The following CCDC7 variants were observed in gnomAD, a reference collection of about 807,000 sequenced individuals.
CCDC7 encodes the protein coiled-coil domain-containing protein 7.
Under a neutral mutation model 196.9 loss-of-function variants are expected in CCDC7, and 183 were observed. The ratio of observed to expected loss-of-function variants is 0.93; its 90% CI spans 0.82 to 1.05. The LOEUF (loss-of-function observed/expected upper bound fraction) is 1.05, where lower values mean the gene tolerates loss of function less well. Among genes scored for constraint, CCDC7 ranks in the 50% least tolerant of loss-of-function variants. The pLI is 0.00. For missense variants in CCDC7, 1,540 were observed against 1,482.2 expected (o/e 1.04, Z -0.64); for synonymous variants, 525 against 484.6 (o/e 1.08, Z -1.10).
chr10:32,535,305 G>T (rs2050293461), intron 11 of CCDC7, among the ~76,000 whole-genome samples: 1 of 151,948 alleles, frequency 6.6e-6, no homozygotes, highest in Admixed American at 6.6e-5. Flanking sequence ...GCCTTAATAG[G>T]TAATTATTAT....
intron 31 of CCDC7, among the ~76,000 whole-genome samples, chr10:32,814,822 G>A (rs143845434): frequency 1.3e-5 from 2 of 152,314 alleles, no homozygotes; most frequent in East Asian, 3.9e-4. Context: ...TGGGGTTACA[G>A]TGTTAGACAC....
intron 9 of CCDC7, among the ~76,000 whole-genome samples, chr10:32,496,588 T>G (rs1364722486): frequency 2.0e-5 from 3 of 152,216 alleles, no homozygotes; most frequent in African/African-American, 4.8e-5. Flanking sequence ...TCATTGAGAA[T>G]TTTCAGCATG....
intron 31 of CCDC7, among the ~76,000 whole-genome samples, chr10:32,820,821 TG>T (rs1036259859): frequency 1.1e-4 from 16 of 152,296 alleles, no homozygotes; most frequent in Middle Eastern, 6.8e-3. Flanking sequence ...TAATTCAAGA[TG>T]GATTAAAGAC....
intron 30 of CCDC7, among the ~76,000 whole-genome samples, chr10:32,811,915 A>G (rs2087226727): frequency 1.3e-5 from 2 of 152,156 alleles, no homozygotes; most frequent in Non-Finnish European, 2.9e-5. Context: ...GTGGTTTAAC[A>G]TATACAAATC....
At chr10:32,846,530 C>T in intron 37 of CCDC7, 71 bp downstream of exon 38, 2 of 903,686 alleles carry the variant, frequency 2.2e-6, no homozygotes, top group Admixed American at 2.2e-5. Context: ...TAAGTATAGA[C>T]ATTTAATGAC....
chr10:32,733,055 C>G (rs2084255807), intron 28 of CCDC7, among the ~76,000 whole-genome samples: 1 of 151,910 alleles, frequency 6.6e-6, no homozygotes, highest in African/African-American at 2.4e-5. Context: ...CTTATGTTTT[C>G]TGTATTTCTT....
intron 29 of CCDC7, among the ~76,000 whole-genome samples, chr10:32,793,164 AG>A (rs1421714572): frequency 6.6e-6 from 1 of 152,190 alleles, no homozygotes; most frequent in African/African-American, 2.4e-5. Context: ...TAGAATACAA[AG>A]GATTTACTGA....
intron 25 of CCDC7, among the ~76,000 whole-genome samples, chr10:32,721,385 G>C (rs2082396299): frequency 6.6e-6 from 1 of 152,162 alleles, no homozygotes; most frequent in Non-Finnish European, 1.5e-5. Context: ...GCACAAAGAA[G>C]TTGCTGAGAC....
chr10:32,839,346 G>A (rs1007019838), intron 33 of CCDC7, among the ~76,000 whole-genome samples: 5 of 151,800 alleles, frequency 3.3e-5, no homozygotes, highest in Non-Finnish European at 5.9e-5. Flanking sequence ...TCAAAAGCAA[G>A]CAGAAGTAGC....
chr10:32,705,319 C>T (rs148440727), intron 24 of CCDC7, among the ~76,000 whole-genome samples: 5,193 of 152,062 alleles, frequency 0.034, 306 homozygotes, highest in African/African-American at 0.12. Context: ...CTGAAGGAAG[C>T]GCTAAACATG....
At chr10:32,592,889 T>C (rs976041566) in intron 18 of CCDC7, among the ~76,000 whole-genome samples, 4 of 152,234 alleles carry the variant, frequency 2.6e-5, no homozygotes, top group South Asian at 4.1e-4. Flanking sequence ...TCATCCTTTT[T>C]TATGGCTGCA....
chr10:32,796,825 T>C (rs2083640087), intron 29 of CCDC7, among the ~76,000 whole-genome samples: 1 of 152,188 alleles, frequency 6.6e-6, no homozygotes, highest in Non-Finnish European at 1.5e-5. Context: ...GACCCAAATT[T>C]ATAAGTCGAA....
chr10:32,681,496 C>A (rs1281464547), intron 21 of CCDC7, among the ~76,000 whole-genome samples: 1 of 152,006 alleles, frequency 6.6e-6, no homozygotes. Flanking sequence ...CAACTTAAGG[C>A]GATTAGACTA....
chr10:32,493,860 A>C (rs2134572575), intron 9 of CCDC7, among the ~76,000 whole-genome samples: 1 of 152,226 alleles, frequency 6.6e-6, no homozygotes, highest in East Asian at 1.9e-4. Context: ...GAGAAATATC[A>C]AACCATTTGC....
At chr10:32,869,077 T>G (rs575175868) in intron 41 of CCDC7, among the ~76,000 whole-genome samples, 1 of 152,292 alleles carries the variant, frequency 6.6e-6, no homozygotes, top group East Asian at 1.9e-4. Context: ...CCTTTGGGTA[T>G]ATACCCAGTA....
intron 41 of CCDC7, among the ~76,000 whole-genome samples, chr10:32,869,138 T>C (rs1218334486): frequency 6.6e-6 from 1 of 152,040 alleles, no homozygotes; most frequent in South Asian, 2.1e-4. Context: ...CCTGAGGAAT[T>C]GCCACACTGA....
chr10:32,680,186 G>A (rs539493817), intron 21 of CCDC7, among the ~76,000 whole-genome samples: 1 of 152,252 alleles, frequency 6.6e-6, no homozygotes, highest in Non-Finnish European at 1.5e-5. Flanking sequence ...ACAGATTATG[G>A]GAGACAGAGG....
chr10:32,669,603 T>C (rs1234495195), intron 21 of CCDC7, among the ~76,000 whole-genome samples: 1 of 152,178 alleles, frequency 6.6e-6, no homozygotes, highest in Non-Finnish European at 1.5e-5. Flanking sequence ...CATGATTTAG[T>C]CATGGTAGGT....
At chr10:32,538,748 T>A (rs980405546) in intron 11 of CCDC7, among the ~76,000 whole-genome samples, 1 of 152,110 alleles carries the variant, frequency 6.6e-6, no homozygotes, top group Non-Finnish European at 1.5e-5. Flanking sequence ...AATACTATGG[T>A]TTTGGTTTTT....
Sources: gnomAD v4.1 joint callset for allele counts (sites outside exome capture counted in the v4.1 genomes callset) on GRCh38, gnomAD v4.1.1 for gene constraint, MANE v1.5 for transcripts, NCBI Gene and HGNC (gene_info 2026-07-23, HGNC 2026-07-21) for gene names.